The following TPD52 variants were observed in gnomAD, a reference collection of about 807,000 sequenced individuals.
TPD52 encodes tumor protein D52, also known as prostate and colon associated protein.
Under a neutral mutation model 31.3 loss-of-function variants are expected in TPD52, and 17 were observed. The observed-to-expected ratio is 0.54, with a 90% CI of 0.37 to 0.82. TPD52 has a LOEUF of 0.82. Among genes scored for constraint, TPD52 ranks in the 40% least tolerant of loss-of-function variants. The pLI is 0.00. For missense variants in TPD52, 212 were observed against 240.1 expected, an observed-to-expected ratio of 0.88 and a Z score of 0.77; for synonymous variants, 83 against 89.6, an observed-to-expected ratio of 0.93 and a Z score of 0.42.
At chr8:80,153,357 A>T (rs1050753801) in intron 1 of TPD52, among the ~76,000 whole-genome samples, 1 of 152,290 alleles carries the variant, frequency 6.6e-6, no homozygotes, top group East Asian at 1.9e-4. Flanking sequence ...ATTGCCTTGG[A>T]AGGAAAAACT....
intron 5 of TPD52, among the ~76,000 whole-genome samples, chr8:80,049,788 C>A (rs989645312): frequency 2.6e-5 from 4 of 152,250 alleles, no homozygotes; most frequent in Middle Eastern, 3.4e-3. Flanking sequence ...TTTTAATGTG[C>A]TTTTTTTAGC....
At chr8:80,052,071 C>A (rs778764650) in intron 3 of TPD52, among the ~76,000 whole-genome samples, 2 of 152,110 alleles carry the variant, frequency 1.3e-5, no homozygotes, top group Non-Finnish European at 2.9e-5. Flanking sequence ...TAGTAGCTGG[C>A]GTAAGTAGGA....
chr8:80,035,187 A>G lies in TPD52; in HGVS notation c.*2929T>C, dbSNP rs1186374296. On this transcript the variant is annotated 3_prime_UTR_variant, in exon 8 of 8. Coordinates refer to ENST00000518937, the MANE Select transcript of TPD52 (RefSeq NM_001025253.3). ...TTTCTTCATCTGGGCTTTAAGAGCT[A>G]TAAATAAAACACATGGCCGGGTGCA... 1 of 152,260 alleles carries G rather than the reference A, an allele frequency of 6.6e-6. No homozygotes were observed. Among genetic ancestry groups the G allele is most frequent in the African/African-American group, 2.4e-5 (1 of 41,462 alleles). The allele number at this position is 152,260 out of a possible 1,614,324, so 9.4% of individuals were successfully genotyped here.
Position 80,046,090 on chromosome 8 carries a change from G to A in TPD52, c.414-1882C>T, listed in dbSNP as rs148477278. The stretch of plus-strand genomic sequence containing the variant: ...ATATCACTTCCTCCAGCAGTGGATC[G>A]GTTGGGCTCTATACCACTTTACCTA... On this transcript the variant is annotated intron_variant, in intron 5 of 7. Transcript: ENST00000518937. Among the ~76,000 whole-genome samples, 244 of 152,148 alleles carry A rather than the reference G, an allele frequency of 1.6e-3. 1 individual carries two copies. The highest frequency in any genetic ancestry group is 2.9e-3 in the Non-Finnish European group (197 of 68,008).
At chr8:80,161,882 A>C (rs1456981302) in intron 1 of TPD52, among the ~76,000 whole-genome samples, 1 of 151,774 alleles carries the variant, frequency 6.6e-6, no homozygotes, top group Non-Finnish European at 1.5e-5. Context: ...GACATGCACC[A>C]CCACGCCGGG....
At chr8:80,089,502 A>G (rs889376490) in intron 1 of TPD52, among the ~76,000 whole-genome samples, 1 of 152,182 alleles carries the variant, frequency 6.6e-6, no homozygotes, top group Non-Finnish European at 1.5e-5. Flanking sequence ...ATCCTCAGGG[A>G]AAAAGTTAGG....
At chr8:80,120,315 C>A (rs571064949) in intron 1 of TPD52, among the ~76,000 whole-genome samples, 4 of 152,036 alleles carry the variant, frequency 2.6e-5, no homozygotes, top group African/African-American at 9.7e-5. Context: ...ACGGCAAAAC[C>A]CTGTCTCTAC....
At position 80,064,541 on chromosome 8, in the gene TPD52, C is replaced by T; in HGVS notation, c.72G>A (p.Thr24=). ...VPEEGEDVAA[T]ISATETLSEE... The stretch of plus-strand genomic sequence containing the variant: ...CCGAGAGGGTCTCTGTGGCACTGAT[C>T]GTGGCAGCAACATCTTCTCCTTCCT... The change falls in exon 2 of 8, where the codon ACG becomes ACA. Residue 24 remains threonine (T), a synonymous_variant. Coordinates refer to ENST00000518937, the MANE Select transcript of TPD52 (RefSeq NM_001025253.3). 5 of 1,614,158 alleles carry T rather than the reference C, an allele frequency of 3.1e-6. No individual in the cohort carries two copies. Among genetic ancestry groups the T allele is most frequent in the Non-Finnish European group, 3.4e-6 (4 of 1,180,012 alleles).
intron 1 of TPD52, among the ~76,000 whole-genome samples, chr8:80,120,477 T>C (rs1425945801): frequency 1.3e-5 from 2 of 151,808 alleles, no homozygotes; most frequent in Non-Finnish European, 2.9e-5. Context: ...CAAGACTCTG[T>C]TTCAAAAAAA....
Position 80,171,533 on chromosome 8 carries a change from T to C in TPD52, c.-90A>G. The stretch of plus-strand genomic sequence containing the variant: ...CGCCCGCCGCGCCGCGCAGAGCTCC[T>C]CCTCGCCTCCGCCGGCGACTCCCGC... On this transcript the variant is annotated 5_prime_UTR_variant, in exon 1 of 8. Transcript: ENST00000518937. The C allele has an allele frequency of 7.1e-7, 1 of 1,416,016 alleles. No individual in the cohort carries two copies. Among genetic ancestry groups the C allele is most frequent in the Non-Finnish European group, 9.2e-7 (1 of 1,092,582 alleles). The allele number at this position is 1,416,016 out of a possible 1,614,324, so 87.7% of individuals were successfully genotyped here.
chr8:80,167,870 G>A (rs1586436538), intron 1 of TPD52, among the ~76,000 whole-genome samples: 1 of 152,148 alleles, frequency 6.6e-6, no homozygotes, highest in Non-Finnish European at 1.5e-5. Flanking sequence ...CTACGTGACT[G>A]TCACTTCTAT....
At chr8:80,135,307 A>C (rs1030778050) in intron 1 of TPD52, among the ~76,000 whole-genome samples, 1 of 152,196 alleles carries the variant, frequency 6.6e-6, no homozygotes, top group Non-Finnish European at 1.5e-5. Flanking sequence ...GTGGTCACAC[A>C]GGGAGTTTCA....
intron 1 of TPD52, among the ~76,000 whole-genome samples, chr8:80,151,052 C>T (rs565729138): frequency 2.2e-4 from 34 of 152,250 alleles, no homozygotes; most frequent in African/African-American, 8.2e-4. Flanking sequence ...TGGGAGGGAC[C>T]TGGTGGGAGG....
chr8:80,084,807 T>C (rs1018044134), intron 1 of TPD52, among the ~76,000 whole-genome samples: 12 of 152,330 alleles, frequency 7.9e-5, no homozygotes, highest in Non-Finnish European at 1.6e-4. Flanking sequence ...GAGTTTCCCC[T>C]TTTCCTGTAA....
chr8:80,144,989 GTTA>G (rs1810094138), intron 1 of TPD52, among the ~76,000 whole-genome samples: 1 of 152,102 alleles, frequency 6.6e-6, no homozygotes, highest in East Asian at 1.9e-4. Flanking sequence ...TACTCTGTGG[GTTA>G]TTTTTTAATT....
intron 2 of TPD52, among the ~76,000 whole-genome samples, chr8:80,063,364 A>G (rs1226325774): frequency 6.6e-6 from 1 of 152,220 alleles, no homozygotes; most frequent in Non-Finnish European, 1.5e-5. Flanking sequence ...TAGAGTCACA[A>G]AGCAAATTAG....
chr8:80,068,154 C>A (rs1210801237), intron 1 of TPD52, among the ~76,000 whole-genome samples: 1 of 151,680 alleles, frequency 6.6e-6, no homozygotes, highest in Non-Finnish European at 1.5e-5. Flanking sequence ...ATCTACTACA[C>A]CAGCCACTGT....
At chr8:80,078,305 G>T (rs146736621) in intron 1 of TPD52, among the ~76,000 whole-genome samples, 1 of 152,172 alleles carries the variant, frequency 6.6e-6, no homozygotes, top group African/African-American at 2.4e-5. Context: ...ACCTCTCTGG[G>T]TAGGATTCCT....
At chr8:80,054,868 A>G (rs1054500127) in intron 2 of TPD52, among the ~76,000 whole-genome samples, 1 of 152,198 alleles carries the variant, frequency 6.6e-6, no homozygotes, top group African/African-American at 2.4e-5. Flanking sequence ...TACTGGACCC[A>G]GTTTTGTAAG....
Sources: allele counts gnomAD v4.1 joint callset (sites outside exome capture counted in the v4.1 genomes callset), GRCh38; gene constraint gnomAD v4.1.1; transcripts MANE v1.5; gene names NCBI Gene and HGNC (gene_info 2026-07-23, HGNC 2026-07-21).